Variants in GPANK1 observed in about 807,000 individuals in gnomAD.
GPANK1 encodes the protein G-patch domain and ankyrin repeats 1.
Under a neutral mutation model 24.0 loss-of-function variants are expected in GPANK1, and 22 were observed. That is an observed-to-expected ratio of 0.92 (90% confidence interval 0.66 to 1.31). The LOEUF is 1.31. Among genes scored for constraint, GPANK1 ranks in the 50% most tolerant of loss-of-function variants. The probability of loss-of-function intolerance (pLI) is 0.00; values close to 1 mark genes in which losing one functional copy is unlikely to be tolerated. For synonymous variants in GPANK1, 174 were observed against 177.4 expected (o/e 0.98, Z 0.15); for missense variants, 469 against 453.5 (o/e 1.03, Z -0.31).
chr6:31,661,826 G>C lies in GPANK1; in HGVS notation c.*440C>G. Reference sequence around the variant, plus strand: ...ATATGGACTTATGTTTGTGAAATCAGTGAATTGGCTGTAGTCAGGGAACTC... The same window carrying C: ...ATATGGACTTATGTTTGTGAAATCACTGAATTGGCTGTAGTCAGGGAACTC... On this transcript the variant is annotated 3_prime_UTR_variant, in exon 3 of 3. Transcript: ENST00000375896. 1 of 177,978 alleles carries C rather than the reference G, an allele frequency of 5.6e-6. No homozygotes were observed. The highest frequency in any genetic ancestry group is 1.5e-4 in the East Asian group (1 of 6,628). The allele number at this position is 177,978 out of a possible 1,614,324, so 11.0% of individuals were successfully genotyped here.
chr6:31,662,745 G>A lies in GPANK1; in HGVS notation c.627-35C>T, dbSNP rs1480582624. The A allele has an allele frequency of 3.6e-6, 5 of 1,371,596 alleles. No individual in the cohort carries two copies. In the East Asian group the frequency reaches 1.2e-4, roughly 32 times the overall value. The allele number at this position is 1,371,596 out of a possible 1,614,324, so 85.0% of individuals were successfully genotyped here. ...AAGAAGAAAAAGCATTAAGGGCAGG[G>A]GAAGGAAAAGGGGAAGAGTTGAGGC... On this transcript the variant is annotated intron_variant, in intron 2 of 2. Transcript: ENST00000375896. The surrounding 1 kb of genome is among the most constrained non-coding windows in gnomAD (Gnocchi z 5.5).
Position 31,664,469 on chromosome 6 carries a change from GC to G in GPANK1, c.9del (p.Leu5CysfsTer43). 1 of 1,610,794 alleles carries G rather than the reference GC, an allele frequency of 6.2e-7. No individual in the cohort carries two copies. Among genetic ancestry groups the G allele is most frequent in the Non-Finnish European group, 8.5e-7 (1 of 1,178,018 alleles). On this transcript the variant is annotated frameshift_variant, in exon 2 of 3. Coordinates refer to ENST00000375896, the MANE Select transcript of GPANK1 (RefSeq NM_033177.4). LOFTEE classifies it high-confidence loss of function. MS[R>X]PLLITFTPAT... ...GCTGGGGTGAAGGTGATGAGCAAGG[GC>G]CGGGACATGGCTTTTGGGAGAACTG...
chr6:31,662,000 G>C lies in GPANK1; in HGVS notation c.*266C>G, dbSNP rs183171137. On this transcript the variant is annotated 3_prime_UTR_variant, in exon 3 of 3. Coordinates refer to ENST00000375896, the MANE Select transcript of GPANK1 (RefSeq NM_033177.4). ...TGACCTTATCATGCCACCTGGAGAG[G>C]CTGCCCCTTCTGACTCAGGTGGGAC... 2.6e-6 allele frequency: 1 copy of C among 390,304 alleles called. No individual in the cohort carries two copies. Among genetic ancestry groups the C allele is most frequent in the Non-Finnish European group, 4.5e-6 (1 of 220,562 alleles). The allele number at this position is 390,304 out of a possible 1,614,324, so 24.2% of individuals were successfully genotyped here. A position where few individuals can be genotyped will look rare whatever the true frequency, so the allele number is the denominator to read the frequency against.
At position 31,661,247 on chromosome 6, in the gene GPANK1, T is replaced by TG. The variant is rs56045528; in HGVS notation, c.*1018_*1019insC. ...GACAAATGGGTGGAACAAAGAAGTT[T>TG]AAAGTTTAGATTTGGGGGCTAGAGT... On this transcript the variant is annotated 3_prime_UTR_variant, in exon 3 of 3. Transcript: ENST00000375896. The TG allele has an allele frequency of 1.1e-4, 17 of 151,748 alleles. No homozygotes were observed. Among genetic ancestry groups the TG allele is most frequent in the Admixed American group, 9.8e-4 (15 of 15,248 alleles). 9.4% of individuals were successfully genotyped at this position (151,748 alleles called of 1,614,324 possible).
chr6:31,665,612 T>C (rs34541484), upstream of GPANK1: 15,538 of 1,070,590 alleles, frequency 0.015, 182 homozygotes, highest in Middle Eastern at 0.036. Context: ...GGAAACAGTA[T>C]GCCCGTCAAG....
chr6:31,661,352 T>A lies in GPANK1; in HGVS notation c.*914A>T, dbSNP rs180753009. 1 of 152,402 alleles carries A rather than the reference T, an allele frequency of 6.6e-6. No homozygotes were observed. Among genetic ancestry groups the A allele is most frequent in the African/African-American group, 2.4e-5 (1 of 41,582 alleles). 9.4% of individuals were successfully genotyped at this position (152,402 alleles called of 1,614,324 possible). A position where few individuals can be genotyped will look rare whatever the true frequency, so the allele number is the denominator to read the frequency against. ...ACACTGGCCTCTTCCAGCAAAACCC[T>A]ACCCATTCTCATCTCTAGAGGCCTT... On this transcript the variant is annotated 3_prime_UTR_variant, in exon 3 of 3. Coordinates refer to ENST00000375896, the MANE Select transcript of GPANK1 (RefSeq NM_033177.4).
Position 31,664,945 on chromosome 6 carries a change from C to CG in GPANK1, c.-205dup, listed in dbSNP as rs1801440682. ...AGATGGGTCACTCCCTAGAAGATCT[C>CG]GGGGAGAGTCTCCTATACGTGTTGC... On this transcript the variant is annotated 5_prime_UTR_variant, in exon 1 of 3. Transcript: ENST00000375896. 5 of 212,048 alleles carry CG rather than the reference C, an allele frequency of 2.4e-5. No individual in the cohort carries two copies. The South Asian group carries it at 4.3e-4, about 18-fold the overall frequency. 13.1% of individuals were successfully genotyped at this position (212,048 alleles called of 1,614,324 possible). A position where few individuals can be genotyped will look rare whatever the true frequency, so the allele number is the denominator to read the frequency against.
chr6:31,662,436 C>T lies in GPANK1; in HGVS notation c.901G>A (p.Ala301Thr). The change falls in exon 3 of 3, where the codon GCA (alanine) becomes ACA (threonine). Residue 301 changes from alanine (A) to threonine (T), a missense_variant. Transcript: ENST00000375896. This position sits in a 1 kb window ranked among gnomAD's most constrained non-coding sequence, Gnocchi z 5.5. ...RDQEGLGYRS[A>T]PQPRVTHFPA... is the part of the protein sequence containing the mutation. Reference sequence around the variant, plus strand: ...AAATGTGTCACTCGGGGCTGGGGTGCTGATCTGTAGCCTAGTCCTTCCTGG... The same window carrying T: ...AAATGTGTCACTCGGGGCTGGGGTGTTGATCTGTAGCCTAGTCCTTCCTGG... The T allele has an allele frequency of 1.2e-6, 2 of 1,612,144 alleles. No individual in the cohort carries two copies. The highest frequency in any genetic ancestry group is 1.7e-6 in the Non-Finnish European group (2 of 1,179,508).
chr6:31,664,251 C>T lies in GPANK1; in HGVS notation c.228G>A (p.Met76Ile), dbSNP rs779280656. The T allele has an allele frequency of 6.8e-6, 11 of 1,613,862 alleles. No individual in the cohort carries two copies. Among genetic ancestry groups the T allele is most frequent in the Non-Finnish European group, 9.3e-6 (11 of 1,179,816 alleles). The change falls in exon 2 of 3, where the codon ATG becomes ATA. Residue 76 changes from methionine (M) to isoleucine (I), a missense_variant. Met to Ile is a conservative substitution (Grantham distance 10). Coordinates refer to ENST00000375896, the MANE Select transcript of GPANK1 (RefSeq NM_033177.4). ...RERKRKKRRI[M>I]KAPAAEAVAE... is the part of the protein sequence containing the mutation. ...CCACTGCTTCTGCTGCTGGTGCCTT[C>T]ATTATTCTTCTTTTCTTTCTCTTTC...
At chr6:31,665,428 CACTT>C, upstream of GPANK1, 1 of 1,560,550 alleles carries the variant, frequency 6.4e-7, no homozygotes, top group Non-Finnish European at 8.7e-7. Context: ...TCGAAGGTCA[CACTT>C]AGAGCCTAAG....
upstream of GPANK1, chr6:31,665,175 G>A (rs1801480255): frequency 2.1e-6 from 1 of 486,580 alleles, no homozygotes; most frequent in East Asian, 3.2e-5. Context: ...GCAAAGCTCC[G>A]CGCGCCCAGG....
chr6:31,664,418 C>G lies in GPANK1; in HGVS notation c.61G>C (p.Asp21His). Residue 21 changes from aspartate (D) to histidine (H), a missense_variant, in exon 2 of 3, where the codon GAT becomes CAT. Asp to His is a moderately conservative substitution (Grantham distance 81). Coordinates refer to ENST00000375896, the MANE Select transcript of GPANK1 (RefSeq NM_033177.4). Reference sequence around the variant, plus strand: ...TCGGGCTGTGGCTGCTGCTGCCCATCCTTCCAGAGGTCGCTGGGGTCAGTG... The same window carrying G: ...TCGGGCTGTGGCTGCTGCTGCCCATGCTTCCAGAGGTCGCTGGGGTCAGTG... ...PATDPSDLWK[D>H]GQQQPQPEKP... 1 of 1,614,150 alleles carries G rather than the reference C, an allele frequency of 6.2e-7. No individual in the cohort carries two copies. Among genetic ancestry groups the G allele is most frequent in the South Asian group, 1.1e-5 (1 of 91,086 alleles).
Position 31,664,486 on chromosome 6 carries a change from G to A in GPANK1, c.-8C>T, listed in dbSNP as rs1801367544. ...GAGCAAGGGCCGGGACATGGCTTTT[G>A]GGAGAACTGAGAAAATGATACCAGG... On this transcript the variant is annotated 5_prime_UTR_variant, in exon 2 of 3. Coordinates refer to ENST00000375896, the MANE Select transcript of GPANK1 (RefSeq NM_033177.4). 1.9e-6 allele frequency: 3 copies of A among 1,597,904 alleles called. No homozygotes were observed. The highest frequency in any genetic ancestry group is 2.6e-6 in the Non-Finnish European group (3 of 1,170,408).
chr6:31,666,100 C>T, upstream of GPANK1: 1 of 993,974 alleles, frequency 1.0e-6, no homozygotes, highest in Non-Finnish European at 1.2e-6. Flanking sequence ...CCCCCCACCC[C>T]ACTTCGCCTG....
upstream of GPANK1, chr6:31,666,180 C>CTA (rs1801674333): frequency 5.0e-6 from 5 of 992,740 alleles, no homozygotes; most frequent in South Asian, 1.7e-4. Context: ...CTTCCCTACC[C>CTA]CACCCCAGTC....
In GPANK1 at chr6:31,663,880, T is replaced by C. The variant is rs771608168; in HGVS notation, c.599A>G (p.His200Arg). The change falls in exon 2 of 3, where the codon CAT (histidine) becomes CGT (arginine). Residue 200 changes from histidine (H) to arginine (R), a missense_variant. By Grantham distance (29) the His-to-Arg change is conservative. Transcript: ENST00000375896. ...GTTTTCCGGGCTCCTTGTCTCTCCA[T>C]GGCTCTCCCTGACCATGCGGGCTAC... ...PEVARMVRES[H>R]GETRSPENRS... is the part of the protein sequence containing the mutation. 1.9e-6 allele frequency: 3 copies of C among 1,584,590 alleles called. No individual in the cohort carries two copies. The highest frequency in any genetic ancestry group is 1.8e-5 in the Admixed American group (1 of 54,876).
Position 31,664,949 on chromosome 6 carries a change from G to T in GPANK1, c.-208C>A, listed in dbSNP as rs1368915988. On this transcript the variant is annotated 5_prime_UTR_variant, in exon 1 of 3. Transcript: ENST00000375896. ...GGGTCACTCCCTAGAAGATCTCGGG[G>T]AGAGTCTCCTATACGTGTTGCTGTG... 9.4e-6 allele frequency: 2 copies of T among 213,564 alleles called. No individual in the cohort carries two copies. The highest frequency in any genetic ancestry group is 4.6e-5 in the African/African-American group (2 of 43,304). 13.2% of individuals were successfully genotyped at this position (213,564 alleles called of 1,614,324 possible).
chr6:31,665,749 G>C (rs1445931865), upstream of GPANK1: 2 of 922,818 alleles, frequency 2.2e-6, no homozygotes, highest in South Asian at 1.8e-5. Flanking sequence ...CGTGAGGAGA[G>C]CTGCGGAAAG....
At chr6:31,665,074 A>G, upstream of GPANK1, 1 of 325,392 alleles carries the variant, frequency 3.1e-6, no homozygotes, top group Non-Finnish European at 5.8e-6. Flanking sequence ...CAACAACAAC[A>G]AAAACCACAA....
Sources: allele counts gnomAD v4.1 joint callset, GRCh38; gene constraint gnomAD v4.1.1; non-coding constraint Gnocchi (gnomAD v3.1); transcripts MANE v1.5; gene names NCBI Gene and HGNC (gene_info 2026-07-23, HGNC 2026-07-21).